The following CERS6 variants were observed in gnomAD, a reference collection of about 807,000 sequenced individuals.
The protein encoded by CERS6 is ceramide synthase 6.
In CERS6, 26 loss-of-function variants were observed where a neutral mutation model predicts 56.8. That is an observed-to-expected ratio of 0.46 (90% CI 0.34 to 0.63). The LOEUF (loss-of-function observed/expected upper bound fraction) is 0.63. Ranked by LOEUF, CERS6 falls within the 30% of genes least tolerant of loss-of-function variation. CERS6 has a pLI of 0.01. For missense variants in CERS6, 415 were observed against 467.5 expected (o/e 0.89, Z 1.04); for synonymous variants, 164 against 173.3 (o/e 0.95, Z 0.42).
At chr2:168,607,859 C>T (rs1386647842) in intron 3 of CERS6, among the ~76,000 whole-genome samples, 1 of 152,194 alleles carries the variant, frequency 6.6e-6, no homozygotes, top group Non-Finnish European at 1.5e-5. Context: ...AAGGAGTTGG[C>T]TCTGGGCTCA....
intron 4 of CERS6, among the ~76,000 whole-genome samples, chr2:168,655,879 C>G (rs1685457172): frequency 6.6e-6 from 1 of 152,108 alleles, no homozygotes; most frequent in African/African-American, 2.4e-5. Flanking sequence ...ATCACATGCA[C>G]AAAGAAGAAA....
intron 3 of CERS6, among the ~76,000 whole-genome samples, chr2:168,599,993 G>C (rs989502719): frequency 2.6e-5 from 4 of 152,036 alleles, no homozygotes; most frequent in Non-Finnish European, 5.9e-5. Context: ...TGATGATATG[G>C]TTACAGTGAT....
At chr2:168,578,385 A>G (rs1288823151) in intron 3 of CERS6, among the ~76,000 whole-genome samples, 1 of 152,088 alleles carries the variant, frequency 6.6e-6, no homozygotes, top group Admixed American at 6.5e-5. Context: ...TAAGCTGCTG[A>G]GGTAGTAAAT....
chr2:168,579,170 T>A (rs997084252), intron 3 of CERS6, among the ~76,000 whole-genome samples: 2 of 152,206 alleles, frequency 1.3e-5, no homozygotes, highest in African/African-American at 4.8e-5. Context: ...ATGATATTAA[T>A]TTTTAAAGGG....
intron 4 of CERS6, among the ~76,000 whole-genome samples, chr2:168,632,252 A>C (rs977315651): frequency 1.3e-5 from 2 of 152,150 alleles, no homozygotes; most frequent in Non-Finnish European, 2.9e-5. Context: ...AAGTGATATC[A>C]GTGTTATCTT....
intron 8 of CERS6, among the ~76,000 whole-genome samples, chr2:168,736,332 C>A (rs1172233418): frequency 6.6e-6 from 1 of 151,304 alleles, no homozygotes. Context: ...CCCAAGTGGG[C>A]TTTTTTTTTA....
At chr2:168,645,111 A>ATAT (rs1685148190) in intron 4 of CERS6, among the ~76,000 whole-genome samples, 1 of 59,436 alleles carries the variant, frequency 1.7e-5, no homozygotes. Context: ...AAAAAAAAAA[A>ATAT]AAAAAATATA....
chr2:168,548,474 A>G (rs1695507233), intron 2 of CERS6, among the ~76,000 whole-genome samples: 1 of 152,252 alleles, frequency 6.6e-6, no homozygotes, highest in South Asian at 2.1e-4. Flanking sequence ...GAGTTTTTAT[A>G]TATCTTACCT....
chr2:168,504,376 A>C (rs551080077), intron 1 of CERS6, among the ~76,000 whole-genome samples: 25 of 139,146 alleles, frequency 1.8e-4, no homozygotes, highest in Middle Eastern at 3.7e-3. Flanking sequence ...ATTTAAACAA[A>C]AAAAAAAAGG....
At chr2:168,673,816 G>A (rs141613646) in intron 4 of CERS6, among the ~76,000 whole-genome samples, 66 of 152,322 alleles carry the variant, frequency 4.3e-4, no homozygotes, top group Admixed American at 7.8e-4. Context: ...AATGTTGCCA[G>A]TATTTGGCTG....
At chr2:168,590,362 C>T (rs1444611449) in intron 3 of CERS6, among the ~76,000 whole-genome samples, 1 of 152,128 alleles carries the variant, frequency 6.6e-6, no homozygotes, top group Non-Finnish European at 1.5e-5. Flanking sequence ...AGAAAAATTA[C>T]TACCAAATAA....
In CERS6 at chr2:168,547,545, A is replaced by G. The variant is rs765874262; in HGVS notation, c.171-51A>G. The stretch of plus-strand genomic sequence containing the variant: ...TGTAACTGGTGGCATTAAGAATCAC[A>G]TAGAAAGAATAAATTCTGACCTTCT... On this transcript the variant is annotated intron_variant, in intron 1 of 9. Coordinates refer to ENST00000305747, the MANE Select transcript of CERS6 (RefSeq NM_203463.3). 1.8e-5 allele frequency: 21 copies of G among 1,194,090 alleles called. 1 individual carries two copies. The highest frequency in any genetic ancestry group is 5.1e-5 in the South Asian group (4 of 78,624). 74.0% of individuals were successfully genotyped at this position (1,194,090 alleles called of 1,614,324 possible).
At chr2:168,555,846 T>G (rs887742928) in intron 2 of CERS6, among the ~76,000 whole-genome samples, 1 of 151,842 alleles carries the variant, frequency 6.6e-6, no homozygotes. Flanking sequence ...TGTTTTTCAT[T>G]AACCCAAAGT....
intron 3 of CERS6, among the ~76,000 whole-genome samples, chr2:168,590,911 A>G (rs1683655562): frequency 6.6e-6 from 1 of 152,246 alleles, no homozygotes; most frequent in Non-Finnish European, 1.5e-5. Context: ...ATAATTGGTC[A>G]TGTTCTCTAC....
intron 5 of CERS6, among the ~76,000 whole-genome samples, chr2:168,694,050 G>A (rs993387841): frequency 2.0e-5 from 3 of 152,112 alleles, no homozygotes; most frequent in African/African-American, 4.8e-5. Flanking sequence ...ATATGGTATT[G>A]TCTTGTGTAT....
intron 1 of CERS6, among the ~76,000 whole-genome samples, chr2:168,521,482 G>C (rs530670022): frequency 6.6e-6 from 1 of 152,254 alleles, no homozygotes; most frequent in African/African-American, 2.4e-5. Flanking sequence ...AACTGGCCAA[G>C]TTCCAGGTGG....
chr2:168,724,826 C>T (rs1267558863), intron 8 of CERS6, among the ~76,000 whole-genome samples: 1 of 152,272 alleles, frequency 6.6e-6, no homozygotes, highest in Non-Finnish European at 1.5e-5. Flanking sequence ...AGGAGCCCAG[C>T]TGGCTTCACA....
intron 6 of CERS6, among the ~76,000 whole-genome samples, chr2:168,704,105 C>T (rs1472052430): frequency 6.6e-6 from 1 of 151,720 alleles, no homozygotes; most frequent in Non-Finnish European, 1.5e-5. Context: ...AATCAAGCAT[C>T]CAAGTGCCTT....
chr2:168,685,913 A>G (rs1686336949), intron 4 of CERS6, among the ~76,000 whole-genome samples: 1 of 151,476 alleles, frequency 6.6e-6, no homozygotes, highest in Non-Finnish European at 1.5e-5. Context: ...GTTAGAGGTA[A>G]TTTCTCATCC....
Sources: gnomAD v4.1 joint callset for allele counts (sites outside exome capture counted in the v4.1 genomes callset) on GRCh38, gnomAD v4.1.1 for gene constraint, MANE v1.5 for transcripts, NCBI Gene and HGNC (gene_info 2026-07-23, HGNC 2026-07-21) for gene names.